ETS1: variants seen among roughly 807,000 people sequenced by gnomAD.
ETS1 encodes the protein ETS proto-oncogene 1, transcription factor, also known as protein C-ets-1.
A neutral mutation model predicts 58.6 loss-of-function variants in ETS1; 15 were observed. The ratio of observed to expected loss-of-function variants is 0.26; its 90% CI spans 0.17 to 0.39. The LOEUF is 0.39. Ranked by LOEUF, ETS1 falls within the 10% of genes least tolerant of loss-of-function variation. The pLI is 1.00. For missense variants in ETS1, 417 were observed against 610.5 expected (o/e 0.68, Z 3.34); for synonymous variants, 214 against 218.2 (o/e 0.98, Z 0.17).
intron 3 of ETS1, among the ~76,000 whole-genome samples, chr11:128,518,147 GCTGGA>G (rs1863574234): frequency 6.6e-6 from 1 of 152,308 alleles, no homozygotes; most frequent in South Asian, 2.1e-4. Context: ...AACAGTGAGA[GCTGGA>G]CTTCAAGACA....
At chr11:128,480,088 G>A in intron 8 of ETS1, 103 bp downstream of exon 8, 3 of 1,468,142 alleles carry the variant, frequency 2.0e-6, no homozygotes, top group South Asian at 1.3e-5. Flanking sequence ...CCTGCAAAAG[G>A]GAGTCTCTCG....
At chr11:128,484,281 A>G (rs920140453) in intron 7 of ETS1, among the ~76,000 whole-genome samples, 9 of 152,342 alleles carry the variant, frequency 5.9e-5, no homozygotes. Flanking sequence ...CTGGTTCCAA[A>G]TAAACCGTTG....
intron 1 of ETS1, among the ~76,000 whole-genome samples, chr11:128,584,517 CCCTGCAAAGCA>C (rs1565420438): frequency 6.6e-6 from 1 of 152,134 alleles, no homozygotes; most frequent in Admixed American, 6.5e-5. Flanking sequence ...ATGAAGCAGT[CCCTGCAAAGCA>C]CCTAGCAAGG....
At chr11:128,470,161 T>C (rs1342344268) in intron 8 of ETS1, among the ~76,000 whole-genome samples, 1 of 152,196 alleles carries the variant, frequency 6.6e-6, no homozygotes, top group Admixed American at 6.5e-5. Context: ...AAAACAGCTC[T>C]CAAATCAGTT....
At chr11:128,489,919 AT>A (rs1056976465) in intron 4 of ETS1, among the ~76,000 whole-genome samples, 7 of 152,164 alleles carry the variant, frequency 4.6e-5, no homozygotes, top group Non-Finnish European at 7.3e-5. Flanking sequence ...ATTATTCTCG[AT>A]TATTTTTTAT....
At chr11:128,475,898 G>A (rs1862311060) in intron 8 of ETS1, among the ~76,000 whole-genome samples, 1 of 151,910 alleles carries the variant, frequency 6.6e-6, no homozygotes, top group Non-Finnish European at 1.5e-5. Context: ...GTGTGTGTGT[G>A]TGTGTGATGT....
intron 1 of ETS1, among the ~76,000 whole-genome samples, chr11:128,575,242 CAAT>C (rs1864720074): frequency 6.6e-6 from 1 of 152,220 alleles, no homozygotes; most frequent in African/African-American, 2.4e-5. Context: ...AGATTAACAA[CAAT>C]AACTAATACA....
chr11:128,490,806 C>T (rs2135461904), intron 3 of ETS1, among the ~76,000 whole-genome samples: 1 of 150,434 alleles, frequency 6.6e-6, no homozygotes, highest in South Asian at 2.1e-4. Context: ...ACAACCTCTG[C>T]CTCCTGGGTT....
intron 2 of ETS1, among the ~76,000 whole-genome samples, chr11:128,564,443 C>T (rs1326641414): frequency 6.6e-6 from 1 of 152,250 alleles, no homozygotes; most frequent in East Asian, 1.9e-4. Flanking sequence ...TCTAATTATG[C>T]TCTTAATGCA....
In ETS1 at chr11:128,539,304, G is replaced by A. The variant is rs116136177; in HGVS notation, c.214+16987C>T. 4.7e-3 allele frequency among the ~76,000 whole-genome samples: 717 copies of A among 152,256 alleles called. 9 individuals are homozygous for A. The highest frequency in any genetic ancestry group is 0.016 in the African/African-American group (654 of 41,560). On this transcript the variant is annotated intron_variant, in intron 3 of 9. Coordinates refer to ENST00000392668, the MANE Select transcript of ETS1 (RefSeq NM_001143820.2). ...AGAAATATTTGTAAATTATATGCCC[G>A]ATAAGGGCTTGTATTCAGAATATGT...
chr11:128,477,250 A>G (rs1462553555), intron 8 of ETS1, among the ~76,000 whole-genome samples: 1 of 152,240 alleles, frequency 6.6e-6, no homozygotes, highest in Non-Finnish European at 1.5e-5. Flanking sequence ...GTGGCCAAAC[A>G]TACTCTGGAG....
At chr11:128,478,451 G>GGAAGGAAGGA (rs1565371346) in intron 8 of ETS1, among the ~76,000 whole-genome samples, 1 of 28,594 alleles carries the variant, frequency 3.5e-5, no homozygotes, top group Non-Finnish European at 1.5e-4. Flanking sequence ...GGGAGAGAGG[G>GGAAGGAAGGA]AGGGAGGAAG....
At chr11:128,584,060 A>G (rs1429279865) in intron 1 of ETS1, among the ~76,000 whole-genome samples, 2 of 152,204 alleles carry the variant, frequency 1.3e-5, no homozygotes, top group Admixed American at 1.3e-4. Flanking sequence ...TGGAGTTTAC[A>G]TATTGTTTCT....
intron 2 of ETS1, among the ~76,000 whole-genome samples, chr11:128,558,371 G>C (rs543022783): frequency 6.6e-6 from 1 of 152,188 alleles, no homozygotes; most frequent in Non-Finnish European, 1.5e-5. Context: ...CTGGCCGGGC[G>C]CGGTGGCTCA....
At chr11:128,582,880 T>C (rs573048531) in intron 1 of ETS1, among the ~76,000 whole-genome samples, 8 of 152,070 alleles carry the variant, frequency 5.3e-5, no homozygotes, top group Non-Finnish European at 1.0e-4. Context: ...ACTTACGCTT[T>C]AGCAACTAGA....
At chr11:128,532,475 G>A (rs1286897799) in intron 3 of ETS1, among the ~76,000 whole-genome samples, 1 of 152,202 alleles carries the variant, frequency 6.6e-6, no homozygotes, top group East Asian at 1.9e-4. Flanking sequence ...GCTCCATTTT[G>A]GCAAGATGAA....
At chr11:128,532,028 G>T (rs1305925132) in intron 3 of ETS1, among the ~76,000 whole-genome samples, 2 of 152,100 alleles carry the variant, frequency 1.3e-5, no homozygotes, top group Non-Finnish European at 1.5e-5. Flanking sequence ...TTGTTATTTT[G>T]TTTTTTGAGA....
At chr11:128,575,100 A>G (rs1362230957) in intron 1 of ETS1, among the ~76,000 whole-genome samples, 2 of 152,174 alleles carry the variant, frequency 1.3e-5, no homozygotes, top group East Asian at 3.9e-4. Flanking sequence ...CCCTTACCCA[A>G]ATAGGATTTG....
chr11:128,490,389 A>G, intron 4 of ETS1, 68 bp downstream of exon 4: 1 of 1,558,228 alleles, frequency 6.4e-7, no homozygotes. Context: ...CACACACTCC[A>G]GGTGAGAAAA....
Sources: gnomAD v4.1 joint callset for allele counts (sites outside exome capture counted in the v4.1 genomes callset) on GRCh38, gnomAD v4.1.1 for gene constraint, MANE v1.5 for transcripts, NCBI Gene and HGNC (gene_info 2026-07-23, HGNC 2026-07-21) for gene names.